AFDN: variants seen among roughly 807,000 people sequenced by gnomAD.
The protein encoded by AFDN is afadin, adherens junction formation factor, also known as afadin.
A neutral mutation model predicts 216.6 loss-of-function variants in AFDN; 68 were observed. The observed-to-expected ratio is 0.31, with a 90% CI of 0.26 to 0.38. The LOEUF (loss-of-function observed/expected upper bound fraction) is 0.38, where lower values mean the gene tolerates loss of function less well. Ranked by LOEUF, AFDN falls within the 10% of genes least tolerant of loss-of-function variation. The pLI is 1.00. For synonymous variants in AFDN, 868 were observed against 853.7 expected (o/e 1.02, Z -0.29); for missense variants, 2,136 against 2,342.0 (o/e 0.91, Z 1.82).
At chr6:167,888,831 A>G (rs2128329036) in intron 6 of AFDN, among the ~76,000 whole-genome samples, 1 of 152,356 alleles carries the variant, frequency 6.6e-6, no homozygotes, top group Admixed American at 6.5e-5. Flanking sequence ...CTTTATAAAA[A>G]CAATTGTTTG....
chr6:167,969,840 C>T lies in AFDN; in HGVS notation c.5401C>T (p.Arg1801Cys), dbSNP rs1797902512. The change falls in exon 34 of 34, where the codon CGC becomes TGC. Residue 1801 changes from arginine (R) to cysteine (C), a missense_variant. This residue lies in a region of AFDN where 981 missense variants were observed against 966.0 expected (regional missense o/e 1.02). Coordinates refer to ENST00000683244, the MANE Select transcript of AFDN (RefSeq NM_001386888.1). ...GAPENLTFKE[R>C]QRLFSQGQDV... ...CCCTGAAAACTTGACATTCAAGGAA[C>T]GCCAGCGTCTTTTTTCACAAGGTCA... 6.2e-7 allele frequency: 1 copy of T among 1,613,086 alleles called. No homozygotes were observed. The highest frequency in any genetic ancestry group is 2.2e-5 in the East Asian group (1 of 44,848).
chr6:167,908,023 T>G (rs1026123437), intron 13 of AFDN, among the ~76,000 whole-genome samples: 1 of 152,258 alleles, frequency 6.6e-6, no homozygotes, highest in Non-Finnish European at 1.5e-5. Flanking sequence ...CCCAGAGCTC[T>G]GCGGGAACTC....
chr6:167,854,376 C>T (rs902981236), intron 1 of AFDN, among the ~76,000 whole-genome samples: 18 of 151,662 alleles, frequency 1.2e-4, no homozygotes, highest in African/African-American at 4.4e-4. Context: ...ATTTTTTTCC[C>T]CCAGTGTGTT....
At chr6:167,933,795 T>G (rs1793624797) in intron 23 of AFDN, among the ~76,000 whole-genome samples, 1 of 152,208 alleles carries the variant, frequency 6.6e-6, no homozygotes, top group African/African-American at 2.4e-5. Context: ...TAAAATAACA[T>G]AATAGGAACA....
Position 167,870,445 on chromosome 6 carries a change from G to A in AFDN, c.361G>A (p.Asp121Asn), listed in dbSNP as rs749271776. 1.2e-6 allele frequency: 2 copies of A among 1,612,584 alleles called. No homozygotes were observed. Among genetic ancestry groups the A allele is most frequent in the Non-Finnish European group, 1.7e-6 (2 of 1,179,258 alleles). The change falls in exon 3 of 34, where the codon GAT (aspartate) becomes AAT (asparagine). Residue 121 changes from aspartate (D) to asparagine (N), a missense_variant. Asp to Asn is a conservative substitution (Grantham distance 23, BLOSUM62 1). Transcript: ENST00000683244. Reference sequence around the variant, plus strand: ...TGTACAACTGAATTGGAACAAAGATGATCGGGAAGGCAGATTTGTTCTTAA... The same window carrying A: ...TGTACAACTGAATTGGAACAAAGATAATCGGGAAGGCAGATTTGTTCTTAA... ...LVVQLNWNKDDREGRFVLKNE... is the reference protein window; with the variant it reads ...LVVQLNWNKDNREGRFVLKNE...
intron 17 of AFDN, 34 bp downstream of exon 17, chr6:167,914,347 T>C (rs773926609): frequency 6.3e-7 from 1 of 1,599,130 alleles, no homozygotes; most frequent in Admixed American, 1.7e-5. Flanking sequence ...GGCACTACTC[T>C]AAATAATTAA....
chr6:167,943,581 T>C (rs1794941254), intron 25 of AFDN, 106 bp downstream of exon 25: 1 of 862,614 alleles, frequency 1.2e-6, no homozygotes, highest in African/African-American at 1.7e-5. Flanking sequence ...CGTGCTCATA[T>C]TACTCTTTAC....
chr6:167,881,874 A>G (rs939593849), intron 6 of AFDN, among the ~76,000 whole-genome samples: 1 of 152,254 alleles, frequency 6.6e-6, no homozygotes, highest in Non-Finnish European at 1.5e-5. Context: ...AAAGATCTGT[A>G]TAAAAATGGA....
At chr6:167,867,471 C>T (rs533596694) in intron 2 of AFDN, among the ~76,000 whole-genome samples, 2 of 150,024 alleles carry the variant, frequency 1.3e-5, no homozygotes, top group Non-Finnish European at 3.0e-5. Flanking sequence ...ATTCTGTCGC[C>T]CAGGCTGGAG....
chr6:167,917,633 C>A (rs1562669718), intron 20 of AFDN, among the ~76,000 whole-genome samples: 2 of 152,172 alleles, frequency 1.3e-5, no homozygotes. Flanking sequence ...TTTTGGTATG[C>A]CTGCCTCTCA....
At chr6:167,887,012 C>CAAA (rs67970460) in intron 6 of AFDN, among the ~76,000 whole-genome samples, 10 of 90,478 alleles carry the variant, frequency 1.1e-4, no homozygotes, top group African/African-American at 1.6e-4. Flanking sequence ...GAGACTGTAT[C>CAAA]AAAAAAAAAA....
Position 167,962,559 on chromosome 6 carries a change from G to C in AFDN, c.4960G>C (p.Glu1654Gln). ...GGAGGAGCGAACAAAACGAGACGCT[G>C]AAGAAAAGGTTATGGTCCTTTAAGG... ...QEEERTKRDA[E>Q]EKRRQEEGYY... Residue 1654 changes from glutamate to glutamine, a missense_variant, in exon 31 of 34, where the codon GAA becomes CAA. Physicochemically the swap from Glu to Gln is conservative, Grantham distance 29 (BLOSUM62 2). Coordinates refer to ENST00000683244, the MANE Select transcript of AFDN (RefSeq NM_001386888.1). The surrounding 1 kb of genome is among the most constrained non-coding windows in gnomAD (Gnocchi z 5.2). 8.1e-6 allele frequency: 13 copies of C among 1,613,894 alleles called. No individual in the cohort carries two copies. The highest frequency in any genetic ancestry group is 1.1e-5 in the Non-Finnish European group (13 of 1,179,858).
Position 167,970,153 on chromosome 6 carries a change from A to T in AFDN, c.*218A>T. ...CATTTATGTAATTTAAACACTGTCT[A>T]GTTTCTTAATTATCTAACTCACACG... On this transcript the variant is annotated 3_prime_UTR_variant, in exon 34 of 34. Transcript: ENST00000683244. 1 of 486,058 alleles carries T rather than the reference A, an allele frequency of 2.1e-6. No individual in the cohort carries two copies. Among genetic ancestry groups the T allele is most frequent in the South Asian group, 2.9e-5 (1 of 34,886 alleles). 30.1% of individuals were successfully genotyped at this position (486,058 alleles called of 1,614,324 possible). A position where few individuals can be genotyped will look rare whatever the true frequency, so the allele number is the denominator to read the frequency against.
intron 1 of AFDN, among the ~76,000 whole-genome samples, chr6:167,838,326 C>CATCTCGCTATCTCGCT (rs3042632): frequency 4.0e-5 from 6 of 151,484 alleles, no homozygotes; most frequent in East Asian, 2.0e-4. Flanking sequence ...GCCATCTCGC[C>CATCTCGCTATCTCGCT]ATCTCGCTTA....
Position 167,943,124 on chromosome 6 carries a change from A to G in AFDN, c.3100-5A>G. The G allele has an allele frequency of 6.2e-7, 1 of 1,612,614 alleles. No individual in the cohort carries two copies. The highest frequency in any genetic ancestry group is 8.5e-7 in the Non-Finnish European group (1 of 1,179,412). On this transcript the variant is annotated splice_polypyrimidine_tract_variant and splice_region_variant and intron_variant, in intron 23 of 33. Coordinates refer to ENST00000683244, the MANE Select transcript of AFDN (RefSeq NM_001386888.1). Reference sequence around the variant, plus strand: ...TGCAGTGTTTTCGCCTTGTTTTTGCAATAGGGTGCTGGTCAAGATAAACTA... The same window carrying G: ...TGCAGTGTTTTCGCCTTGTTTTTGCGATAGGGTGCTGGTCAAGATAAACTA...
chr6:167,922,236 C>T (rs375170021), intron 21 of AFDN, among the ~76,000 whole-genome samples: 1 of 152,184 alleles, frequency 6.6e-6, no homozygotes, highest in East Asian at 1.9e-4. Flanking sequence ...TTTTACAAAG[C>T]ATGTCATTTG....
chr6:167,864,788 C>A (rs752278034), intron 2 of AFDN, 42 bp downstream of exon 2: 60 of 1,583,854 alleles, frequency 3.8e-5, no homozygotes, highest in Non-Finnish European at 5.2e-5. Context: ...CATGACCTGA[C>A]CTGTGAAGAG....
At chr6:167,961,397 C>T (rs989397173) in intron 30 of AFDN, among the ~76,000 whole-genome samples, 3 of 152,168 alleles carry the variant, frequency 2.0e-5, no homozygotes, top group African/African-American at 4.8e-5. Context: ...AGAAAAGCTG[C>T]GTGTATCCAA....
chr6:167,922,567 T>C (rs1218350341), intron 21 of AFDN, among the ~76,000 whole-genome samples: 1 of 152,208 alleles, frequency 6.6e-6, no homozygotes, highest in Non-Finnish European at 1.5e-5. Context: ...AAGGAAGTAA[T>C]GACAAGGCTA....
Sources: allele counts gnomAD v4.1 joint callset (sites outside exome capture counted in the v4.1 genomes callset), GRCh38; gene constraint gnomAD v4.1.1; regional missense constraint gnomAD v4.1.1; non-coding constraint Gnocchi (gnomAD v3.1); transcripts MANE v1.5; gene names NCBI Gene and HGNC (gene_info 2026-07-23, HGNC 2026-07-21).